The following DGAT2L6 variants were observed in gnomAD, a reference collection of about 807,000 sequenced individuals.
DGAT2L6 encodes diacylglycerol O-acyltransferase 2 like 6, also known as diacylglycerol O-acyltransferase 2-like protein 6.
Under a neutral mutation model 25.5 loss-of-function variants are expected in DGAT2L6, and 22 were observed. That is an observed-to-expected ratio of 0.86 (90% CI 0.62 to 1.23). The LOEUF (loss-of-function observed/expected upper bound fraction) is 1.23. Ranked by LOEUF, DGAT2L6 falls within the 50% of genes most tolerant of loss-of-function variation. DGAT2L6 has a pLI of 0.00. For missense variants in DGAT2L6, 287 were observed against 253.2 expected (o/e 1.13, Z -0.91); for synonymous variants, 100 against 94.7 (o/e 1.06, Z -0.32).
chrX:70,178,036 TGA>T (rs1220849782), intron 1 of DGAT2L6, among the ~76,000 whole-genome samples: 1 of 109,035 alleles, frequency 9.2e-6, no homozygotes, highest in Non-Finnish European at 1.9e-5. Context: ...CTTGGGAGGC[TGA>T]GACAGGAGAA....
intron 4 of DGAT2L6, among the ~76,000 whole-genome samples, chrX:70,200,737 C>A (rs770950044): frequency 9.0e-6 from 1 of 111,326 alleles, no homozygotes; most frequent in Non-Finnish European, 1.9e-5. Context: ...AGGACCAATG[C>A]CAAAGTGCAA....
chrX:70,199,947 C>T, intron 3 of DGAT2L6, 65 bp downstream of exon 3: 1 of 1,073,626 alleles, frequency 9.3e-7, no homozygotes, highest in Non-Finnish European at 1.3e-6. Context: ...CTACTCAGCT[C>T]CATGTTTTCA....
intron 1 of DGAT2L6, among the ~76,000 whole-genome samples, chrX:70,198,067 A>G (rs1392846183): frequency 3.6e-5 from 4 of 112,582 alleles, no homozygotes; most frequent in Non-Finnish European, 7.5e-5. Context: ...ACTGGTAGGT[A>G]ACTCCCGAGT....
intron 1 of DGAT2L6, among the ~76,000 whole-genome samples, chrX:70,186,577 T>A (rs773130108): frequency 8.9e-6 from 1 of 112,034 alleles, no homozygotes; most frequent in Non-Finnish European, 1.9e-5. Context: ...TTTAGCCATT[T>A]GTGTCCCATC....
intron 1 of DGAT2L6, among the ~76,000 whole-genome samples, chrX:70,184,808 G>A (rs753919653): frequency 1.8e-5 from 2 of 110,106 alleles, no homozygotes; most frequent in South Asian, 7.8e-4. Flanking sequence ...ACCCCATCAC[G>A]GCATCTTTCA....
chrX:70,182,641 A>G (rs2085347010), intron 1 of DGAT2L6, among the ~76,000 whole-genome samples: 1 of 103,542 alleles, frequency 9.7e-6, no homozygotes, highest in African/African-American at 3.6e-5. Context: ...CACCACACCC[A>G]GCTAATTTTT....
chrX:70,202,902 T>C (rs1211826202), intron 5 of DGAT2L6, among the ~76,000 whole-genome samples: 1 of 111,828 alleles, frequency 8.9e-6, no homozygotes, highest in Non-Finnish European at 1.9e-5. Context: ...AATAATCTGG[T>C]CTATAGCTGC....
intron 1 of DGAT2L6, among the ~76,000 whole-genome samples, chrX:70,196,142 G>A (rs2085390216): frequency 9.0e-6 from 1 of 110,883 alleles, no homozygotes; most frequent in South Asian, 3.8e-4. Context: ...GTGTATTGTA[G>A]ATCTAAATGT....
At chrX:70,204,877 A>G in intron 6 of DGAT2L6, 75 bp from the exon 7 acceptor site, 1 of 1,063,237 alleles carries the variant, frequency 9.4e-7, no homozygotes. Flanking sequence ...GTTTCAGTAC[A>G]TGGCTCCCAG....
At chrX:70,201,750 C>A in intron 4 of DGAT2L6, 140 bp from the exon 5 acceptor site, 1 of 695,859 alleles carries the variant, frequency 1.4e-6, no homozygotes, top group Non-Finnish European at 2.0e-6. Context: ...ACCCGGGACA[C>A]GAAGGTCAGA....
intron 4 of DGAT2L6, 69 bp from the exon 5 acceptor site, chrX:70,201,821 C>A (rs2085411409): frequency 3.9e-6 from 4 of 1,028,012 alleles, no homozygotes; most frequent in African/African-American, 2.0e-5. Context: ...AAAGGAAGAG[C>A]CTGGGAAAAC....
At chrX:70,203,960 C>A (rs192443251) in intron 5 of DGAT2L6, among the ~76,000 whole-genome samples, 1 of 110,625 alleles carries the variant, frequency 9.0e-6, no homozygotes, top group African/African-American at 3.3e-5. Context: ...AGCAAAAAGG[C>A]CGTAAGGAAG....
At chrX:70,177,802 C>A in intron 1 of DGAT2L6, 135 bp downstream of exon 1, 1 of 513,147 alleles carries the variant, frequency 1.9e-6, no homozygotes, top group Non-Finnish European at 3.2e-6. Context: ...GGCACAAAGG[C>A]CAGGAGTGAG....
At chrX:70,199,741 TCTC>T (rs1183480999) in intron 2 of DGAT2L6, 68 bp from the exon 3 acceptor site, 1 of 1,057,945 alleles carries the variant, frequency 9.5e-7, no homozygotes. Flanking sequence ...CAGGCAGAAC[TCTC>T]CTCCTCTGGG....
chrX:70,187,735 G>A (rs2085363741), intron 1 of DGAT2L6, among the ~76,000 whole-genome samples: 1 of 112,217 alleles, frequency 8.9e-6, no homozygotes, highest in Non-Finnish European at 1.9e-5. Context: ...TAGTCATCCA[G>A]GTGAGAGATA....
At chrX:70,192,682 C>T (rs55661710) in intron 1 of DGAT2L6, among the ~76,000 whole-genome samples, 6,044 of 110,494 alleles carry the variant, frequency 0.055, 148 homozygotes, top group South Asian at 0.17. Context: ...TGATAAATAC[C>T]TACATAAAGA....
intron 1 of DGAT2L6, among the ~76,000 whole-genome samples, chrX:70,191,790 T>C (rs1218791276): frequency 9.0e-6 from 1 of 110,787 alleles, no homozygotes; most frequent in East Asian, 2.8e-4. Flanking sequence ...GAGAAAAGAG[T>C]CTCACCACAT....
intron 1 of DGAT2L6, among the ~76,000 whole-genome samples, chrX:70,196,977 T>C (rs1038146270): frequency 9.0e-6 from 1 of 111,553 alleles, no homozygotes; most frequent in African/African-American, 3.3e-5. Flanking sequence ...AGTTTTTTTT[T>C]CTTCTTTTTT....
chrX:70,184,801 C>G (rs2085354804), intron 1 of DGAT2L6, among the ~76,000 whole-genome samples: 1 of 110,581 alleles, frequency 9.0e-6, no homozygotes, highest in Admixed American at 9.6e-5. Context: ...CCCACATACC[C>G]CATCACGGCA....
Sources: gnomAD v4.1 joint callset for allele counts (sites outside exome capture counted in the v4.1 genomes callset) on GRCh38, gnomAD v4.1.1 for gene constraint, MANE v1.5 for transcripts, NCBI Gene and HGNC (gene_info 2026-07-23, HGNC 2026-07-21) for gene names.